CNTNAP2: variants seen among roughly 807,000 people sequenced by gnomAD.
The protein encoded by CNTNAP2 is contactin-associated protein-like 2.
A neutral mutation model predicts 155.2 loss-of-function variants in CNTNAP2; 98 were observed. The observed-to-expected ratio is 0.63, with a 90% CI of 0.54 to 0.75. The LOEUF is 0.75. Among genes scored for constraint, CNTNAP2 ranks in the 30% least tolerant of loss-of-function variants. The pLI, the probability that CNTNAP2 is intolerant of heterozygous loss-of-function variation, is 0.00. For missense variants in CNTNAP2, 1,727 were observed against 1,688.1 expected (o/e 1.02, Z -0.40); for synonymous variants, 651 against 631.2 (o/e 1.03, Z -0.47).
intron 15 of CNTNAP2, among the ~76,000 whole-genome samples, chr7:148,058,480 G>A (rs1394289675): frequency 1.3e-5 from 2 of 152,116 alleles, no homozygotes; most frequent in African/African-American, 4.8e-5. Context: ...CAAACCTGGG[G>A]CATTTCAGAG....
chr7:147,202,227 G>A (rs1423306452), intron 8 of CNTNAP2, among the ~76,000 whole-genome samples: 3 of 114,802 alleles, frequency 2.6e-5, no homozygotes, highest in Non-Finnish European at 3.6e-5. Context: ...ATCCAAAATC[G>A]GGCTAGCCTG....
At chr7:146,485,225 T>TG (rs1797037668) in intron 1 of CNTNAP2, among the ~76,000 whole-genome samples, 1 of 151,122 alleles carries the variant, frequency 6.6e-6, no homozygotes, top group Non-Finnish European at 1.5e-5. Context: ...AAACAGAGAG[T>TG]GGAAAAAAAT....
At chr7:147,340,069 G>C (rs77904725) in intron 9 of CNTNAP2, among the ~76,000 whole-genome samples, 1 of 152,036 alleles carries the variant, frequency 6.6e-6, no homozygotes, top group African/African-American at 2.4e-5. Flanking sequence ...TTTCTGTTTC[G>C]CTTTGGCTAA....
chr7:147,480,416 G>A (rs939838507), intron 10 of CNTNAP2, among the ~76,000 whole-genome samples: 6 of 152,170 alleles, frequency 3.9e-5, no homozygotes, highest in Admixed American at 2.6e-4. Flanking sequence ...ACTGTTATAT[G>A]TATGTGGTCT....
At chr7:147,151,129 C>T (rs1356968863) in intron 8 of CNTNAP2, among the ~76,000 whole-genome samples, 1 of 152,170 alleles carries the variant, frequency 6.6e-6, no homozygotes, top group Non-Finnish European at 1.5e-5. Context: ...ATAGTTTTAT[C>T]TGTGATGATA....
At chr7:147,141,247 T>C (rs957288088) in intron 8 of CNTNAP2, among the ~76,000 whole-genome samples, 1 of 152,144 alleles carries the variant, frequency 6.6e-6, no homozygotes, top group Non-Finnish European at 1.5e-5. Context: ...ACCCTTCTTT[T>C]AAAGTGCCTC....
At chr7:146,206,874 A>G (rs1378128421) in intron 1 of CNTNAP2, among the ~76,000 whole-genome samples, 4 of 151,940 alleles carry the variant, frequency 2.6e-5, no homozygotes, top group Non-Finnish European at 4.4e-5. Context: ...CAAATCACCA[A>G]ATTAATAGTA....
intron 22 of CNTNAP2, among the ~76,000 whole-genome samples, chr7:148,388,947 G>A (rs796617098): frequency 4.6e-5 from 7 of 152,214 alleles, no homozygotes; most frequent in Non-Finnish European, 7.4e-5. Context: ...CCCCTACTGG[G>A]GGGTGCCTCC....
At chr7:146,970,776 G>A (rs1057047273) in intron 3 of CNTNAP2, among the ~76,000 whole-genome samples, 1 of 152,120 alleles carries the variant, frequency 6.6e-6, no homozygotes, top group African/African-American at 2.4e-5. Flanking sequence ...GTTTATTGCG[G>A]CACTATTCAC....
intron 1 of CNTNAP2, among the ~76,000 whole-genome samples, chr7:146,661,312 C>T (rs963374732): frequency 1.3e-5 from 2 of 151,822 alleles, no homozygotes; most frequent in Non-Finnish European, 2.9e-5. Flanking sequence ...TTCATTAAAT[C>T]ATACTTTAAT....
chr7:146,798,694 G>T, intron 2 of CNTNAP2, among the ~76,000 whole-genome samples: 1 of 152,008 alleles, frequency 6.6e-6, no homozygotes, highest in East Asian at 1.9e-4. Flanking sequence ...AATATTTCTG[G>T]TTAACAACTG....
At chr7:146,291,296 T>G (rs903523848) in intron 1 of CNTNAP2, among the ~76,000 whole-genome samples, 1 of 152,202 alleles carries the variant, frequency 6.6e-6, no homozygotes, top group Non-Finnish European at 1.5e-5. Flanking sequence ...CAAATTCAGC[T>G]AGGTGCTTTT....
intron 1 of CNTNAP2, among the ~76,000 whole-genome samples, chr7:146,670,870 A>G (rs1335720146): frequency 2.0e-5 from 3 of 152,154 alleles, no homozygotes; most frequent in South Asian, 2.1e-4. Context: ...ACACTTTTCT[A>G]TTCCTAAGAT....
intron 21 of CNTNAP2, among the ~76,000 whole-genome samples, chr7:148,273,689 G>A (rs925857138): frequency 6.6e-6 from 1 of 152,134 alleles, no homozygotes; most frequent in African/African-American, 2.4e-5. Flanking sequence ...CATTGCTGTT[G>A]TCAGTGGCGA....
intron 3 of CNTNAP2, among the ~76,000 whole-genome samples, chr7:147,015,081 GAC>G (rs1373371399): frequency 1.3e-5 from 2 of 150,892 alleles, no homozygotes; most frequent in African/African-American, 4.9e-5. Context: ...GGATGCTTTT[GAC>G]ACAGTGGTTT....
intron 15 of CNTNAP2, among the ~76,000 whole-genome samples, chr7:148,063,331 A>G (rs181267540): frequency 8.5e-4 from 130 of 152,168 alleles, no homozygotes; most frequent in Non-Finnish European, 1.4e-3. Flanking sequence ...ATTTAAAGCC[A>G]TTATCTCTTC....
chr7:146,145,635 C>T (rs1186807736), intron 1 of CNTNAP2, among the ~76,000 whole-genome samples: 1 of 152,108 alleles, frequency 6.6e-6, no homozygotes, highest in Non-Finnish European at 1.5e-5. Context: ...CTCTCCTTGT[C>T]CAATTGTCCC....
At chr7:146,266,131 A>G (rs1048574588) in intron 1 of CNTNAP2, among the ~76,000 whole-genome samples, 1 of 152,212 alleles carries the variant, frequency 6.6e-6, no homozygotes, top group African/African-American at 2.4e-5. Context: ...AGAACAAATA[A>G]TGCAAGGAGA....
chr7:148,362,078 G>A (rs1326075493), intron 21 of CNTNAP2, among the ~76,000 whole-genome samples: 1 of 152,156 alleles, frequency 6.6e-6, no homozygotes, highest in African/African-American at 2.4e-5. Context: ...GCATGGTAGT[G>A]CGTGCCTGTA....
Sources: allele counts gnomAD v4.1 joint callset (sites outside exome capture counted in the v4.1 genomes callset), GRCh38; gene constraint gnomAD v4.1.1; transcripts MANE v1.5; gene names NCBI Gene and HGNC (gene_info 2026-07-23, HGNC 2026-07-21).